The following PLA2G4A variants were observed in gnomAD, a reference collection of about 807,000 sequenced individuals.
PLA2G4A encodes the protein phospholipase A2 group IVA, also known as cytosolic phospholipase A2.
In PLA2G4A, 40 loss-of-function variants were observed where a neutral mutation model predicts 81.9. That is an observed-to-expected ratio of 0.49 (90% CI 0.38 to 0.64). The LOEUF is 0.64. Among genes scored for constraint, PLA2G4A ranks in the 30% least tolerant of loss-of-function variants. The pLI, the probability that PLA2G4A is intolerant of heterozygous loss-of-function variation, is 0.00. For synonymous variants in PLA2G4A, 302 were observed against 296.9 expected, an observed-to-expected ratio of 1.02 and a Z score of -0.18; for missense variants, 715 against 905.1, an observed-to-expected ratio of 0.79 and a Z score of 2.69.
At chr1:186,855,512 T>A (rs920695558) in intron 2 of PLA2G4A, among the ~76,000 whole-genome samples, 1 of 152,060 alleles carries the variant, frequency 6.6e-6, no homozygotes, top group African/African-American at 2.4e-5. Context: ...ACTCAGATTA[T>A]AAGTACCCAG....
chr1:186,910,651 G>T (rs896031020), intron 6 of PLA2G4A, among the ~76,000 whole-genome samples: 4 of 152,234 alleles, frequency 2.6e-5, no homozygotes, highest in Admixed American at 1.3e-4. Context: ...GCCTTCATTA[G>T]CAAGATAAAG....
At chr1:186,925,836 A>C (rs1283838582) in intron 7 of PLA2G4A, among the ~76,000 whole-genome samples, 1 of 152,194 alleles carries the variant, frequency 6.6e-6, no homozygotes, top group African/African-American at 2.4e-5. Flanking sequence ...TGTTTTCTCC[A>C]TTAGAATTTA....
At chr1:186,947,028 A>G (rs1656371329) in intron 12 of PLA2G4A, 67 bp downstream of exon 12, 1 of 861,400 alleles carries the variant, frequency 1.2e-6, no homozygotes, top group Non-Finnish European at 2.0e-6. Context: ...TGACATATAT[A>G]GAGAGAATAT....
In PLA2G4A at chr1:186,946,962, G is replaced by T; in HGVS notation, c.1264+1G>T. The T allele has an allele frequency of 6.5e-7, 1 of 1,526,798 alleles. No homozygotes were observed. Among genetic ancestry groups the T allele is most frequent in the East Asian group, 2.3e-5 (1 of 44,422 alleles). The allele number at this position is 1,526,798 out of a possible 1,614,324, so 94.6% of individuals were successfully genotyped here. On this transcript the variant is annotated splice_donor_variant, in intron 12 of 17. Transcript: ENST00000367466. LOFTEE classifies it high-confidence loss of function. ...GGCTCCACAATGGAGGAAGAATTAGGTATCCTAAAGATATGCTTACATTGA... is the reference window on the plus strand; with the variant it reads ...GGCTCCACAATGGAGGAAGAATTAGTTATCCTAAAGATATGCTTACATTGA...
At chr1:186,955,759 G>C (rs1371494410) in intron 13 of PLA2G4A, among the ~76,000 whole-genome samples, 2 of 75,426 alleles carry the variant, frequency 2.7e-5, no homozygotes, top group African/African-American at 1.1e-4. Flanking sequence ...TTTTAAGACA[G>C]AGTCTTGCTC....
At chr1:186,971,624 A>T (rs6672835) in intron 15 of PLA2G4A, among the ~76,000 whole-genome samples, 145,979 of 151,992 alleles carry the variant, frequency 0.96, 70,181 homozygotes, top group East Asian at 1. Context: ...CTTTTCAGGC[A>T]GAGTTGGAAT....
chr1:186,872,672 G>A (rs1173216137), intron 3 of PLA2G4A, among the ~76,000 whole-genome samples: 1 of 151,916 alleles, frequency 6.6e-6, no homozygotes, highest in Non-Finnish European at 1.5e-5. Flanking sequence ...GTAGGCCCAG[G>A]CACTTTGGCA....
At chr1:186,884,311 G>T (rs1653850909) in intron 3 of PLA2G4A, among the ~76,000 whole-genome samples, 1 of 143,490 alleles carries the variant, frequency 7.0e-6, no homozygotes, top group Non-Finnish European at 1.5e-5. Flanking sequence ...CAAAAGAGAA[G>T]TAGTAAGTAG....
rs550718889 is a variant in PLA2G4A, at chr1:186,965,362, A to G, written c.1580-47A>G. 70 of 1,329,176 alleles carry G rather than the reference A, an allele frequency of 5.3e-5. No homozygotes were observed. The South Asian group carries it at 7.4e-4, about 14-fold the overall frequency. 82.3% of individuals were successfully genotyped at this position (1,329,176 alleles called of 1,614,324 possible). A position where few individuals can be genotyped will look rare whatever the true frequency, so the allele number is the denominator to read the frequency against. ...CAACATTTTTAGATGATAAATACTG[A>G]TGAATGATCATTTAATTCATTCTTG... On this transcript the variant is annotated intron_variant, in intron 14 of 17. Coordinates refer to ENST00000367466, the MANE Select transcript of PLA2G4A (RefSeq NM_024420.3).
At chr1:186,955,410 G>C (rs1439145852) in intron 13 of PLA2G4A, among the ~76,000 whole-genome samples, 1 of 152,104 alleles carries the variant, frequency 6.6e-6, no homozygotes, top group Non-Finnish European at 1.5e-5. Context: ...AAATGTAGAG[G>C]ATAGAATTAA....
At chr1:186,967,162 G>A (rs1271389924) in intron 15 of PLA2G4A, among the ~76,000 whole-genome samples, 1 of 152,056 alleles carries the variant, frequency 6.6e-6, no homozygotes, top group African/African-American at 2.4e-5. Flanking sequence ...TGATTAAACT[G>A]CTCTCAAGAC....
intron 17 of PLA2G4A, among the ~76,000 whole-genome samples, chr1:186,983,986 G>A (rs990808723): frequency 6.6e-6 from 1 of 152,176 alleles, no homozygotes; most frequent in African/African-American, 2.4e-5. Context: ...GTAAATTGAA[G>A]CAGCTAATAT....
At chr1:186,966,067 G>A (rs12720667) in intron 15 of PLA2G4A, among the ~76,000 whole-genome samples, 29,008 of 150,384 alleles carry the variant, frequency 0.19, 3,212 homozygotes, top group Admixed American at 0.3. Flanking sequence ...GTTTCAATAG[G>A]GCTGTGAGGG....
chr1:186,906,876 T>G lies in PLA2G4A; in HGVS notation c.379-89T>G. The G allele has an allele frequency of 4.2e-6, 3 of 713,382 alleles. No homozygotes were observed. The South Asian group carries it at 5.0e-5, about 12-fold the overall frequency. 44.2% of individuals were successfully genotyped at this position (713,382 alleles called of 1,614,324 possible). The stretch of plus-strand genomic sequence containing the variant: ...TTTGTTTTTTTGATTAAAAATAATC[T>G]GGCACTCAAAATTTATTTTGAGTTT... On this transcript the variant is annotated intron_variant, in intron 5 of 17. Transcript: ENST00000367466.
At chr1:186,848,415 T>A (rs1304448356) in intron 1 of PLA2G4A, among the ~76,000 whole-genome samples, 1 of 152,126 alleles carries the variant, frequency 6.6e-6, no homozygotes, top group East Asian at 1.9e-4. Flanking sequence ...GAGAAGTCAA[T>A]GACTTCATCC....
At chr1:186,965,070 A>G (rs1238681190) in intron 14 of PLA2G4A, among the ~76,000 whole-genome samples, 2 of 152,258 alleles carry the variant, frequency 1.3e-5, no homozygotes, top group African/African-American at 4.8e-5. Context: ...AGAAACATGT[A>G]AAGACCTACG....
intron 3 of PLA2G4A, among the ~76,000 whole-genome samples, chr1:186,888,003 G>A (rs1653995740): frequency 6.6e-6 from 1 of 152,204 alleles, no homozygotes; most frequent in Non-Finnish European, 1.5e-5. Context: ...ATCAAAGTGT[G>A]CAGTTTTGGT....
chr1:186,945,611 C>T (rs1656311977), intron 10 of PLA2G4A, among the ~76,000 whole-genome samples: 1 of 152,060 alleles, frequency 6.6e-6, no homozygotes, highest in Non-Finnish European at 1.5e-5. Context: ...ATAGAGCCTA[C>T]AGCACTTGAT....
In PLA2G4A at chr1:186,829,734, A is replaced by G. The variant is rs74137516; in HGVS notation, c.-70+699A>G. Among the ~76,000 whole-genome samples, 1,478 of 151,680 alleles carry G rather than the reference A, an allele frequency of 9.7e-3. 28 individuals carry two copies. The highest frequency in any genetic ancestry group is 0.034 in the African/African-American group (1,413 of 40,964). On this transcript the variant is annotated intron_variant, in intron 1 of 17. Transcript: ENST00000367466. ...CAGTAATTTTGTTTCCAAAAAAAACAGAAAAAAAAGGTATTTGATTTTAAA... is the reference window on the plus strand; with the variant it reads ...CAGTAATTTTGTTTCCAAAAAAAACGGAAAAAAAAGGTATTTGATTTTAAA...
Sources: allele counts gnomAD v4.1 joint callset (sites outside exome capture counted in the v4.1 genomes callset), GRCh38; gene constraint gnomAD v4.1.1; transcripts MANE v1.5; gene names NCBI Gene and HGNC (gene_info 2026-07-23, HGNC 2026-07-21).